SNAP91: variants seen among roughly 807,000 people sequenced by gnomAD.
SNAP91 encodes the protein clathrin coat assembly protein AP180.
A neutral mutation model predicts 100.3 loss-of-function variants in SNAP91; 27 were observed. That is an observed-to-expected ratio of 0.27 (90% CI 0.20 to 0.37). The LOEUF is 0.37. Among genes scored for constraint, SNAP91 ranks in the 10% least tolerant of loss-of-function variants. The pLI, the probability that SNAP91 is intolerant of heterozygous loss-of-function variation, is 1.00. For missense variants in SNAP91, 986 were observed against 1,123.7 expected (o/e 0.88, Z 1.75); for synonymous variants, 404 against 398.6 (o/e 1.01, Z -0.16).
chr6:83,632,639 G>C (rs1287642375), intron 8 of SNAP91, among the ~76,000 whole-genome samples: 1 of 152,112 alleles, frequency 6.6e-6, no homozygotes. Flanking sequence ...TTGTCTTTGA[G>C]CTATGGGTTT....
chr6:83,592,498 C>A lies in SNAP91; in HGVS notation c.1887G>T (p.Ser629=). 2 of 1,611,660 alleles carry A rather than the reference C, an allele frequency of 1.2e-6. No individual in the cohort carries two copies. The highest frequency in any genetic ancestry group is 8.5e-7 in the Non-Finnish European group (1 of 1,178,894). Residue 629 remains serine, a synonymous_variant, in exon 21 of 30, where the codon TCG becomes TCT. Coordinates refer to ENST00000369694, the MANE Select transcript of SNAP91 (RefSeq NM_001242792.2). ...FAAPSPATTA[S]PAKVDSSGVI... ...CACCTGAAGAATCCACCTTTGCTGG[C>A]GAGGCAGTGGTTGCAGGAGATGGTG...
chr6:83,575,152 A>C, intron 25 of SNAP91, 31 bp from the exon 26 acceptor site: 1 of 1,449,660 alleles, frequency 6.9e-7, no homozygotes. Flanking sequence ...CAAGCAAACA[A>C]ACAAAAAATC....
Position 83,664,816 on chromosome 6 carries a change from A to G in SNAP91, c.273+623T>C, listed in dbSNP as rs540102840. 3.3e-5 allele frequency among the ~76,000 whole-genome samples: 5 copies of G among 152,268 alleles called. No homozygotes were observed. In the East Asian group the frequency reaches 9.6e-4, roughly 29 times the overall value. ...ATGCTGTCAAAGAGCATTGAATGCT[A>G]CAGAGAAATCTTTTGTAAAAGGAAG... On this transcript the variant is annotated intron_variant, in intron 3 of 29. Coordinates refer to ENST00000369694, the MANE Select transcript of SNAP91 (RefSeq NM_001242792.2).
intron 26 of SNAP91, among the ~76,000 whole-genome samples, chr6:83,574,260 T>C (rs572760986): frequency 6.6e-5 from 10 of 152,326 alleles, no homozygotes; most frequent in African/African-American, 2.4e-4. Context: ...AGAGTGCATA[T>C]AGAAAAATTA....
intron 22 of SNAP91, among the ~76,000 whole-genome samples, chr6:83,584,475 C>T (rs1426166217): frequency 6.6e-6 from 1 of 151,580 alleles, no homozygotes; most frequent in Non-Finnish European, 1.5e-5. Context: ...GCTAAGATCA[C>T]ATCTATAGGT....
At chr6:83,611,424 C>CAGCA in intron 11 of SNAP91, 1 of 455,422 alleles carries the variant, frequency 2.2e-6, no homozygotes, top group Non-Finnish European at 4.4e-6. Context: ...GAAATAACTG[C>CAGCA]CAGAACAGCT....
chr6:83,561,098 G>A (rs772430532), intron 26 of SNAP91, among the ~76,000 whole-genome samples, 151 bp from the exon 27 acceptor site: 10 of 152,236 alleles, frequency 6.6e-5, no homozygotes, highest in South Asian at 4.1e-4. Context: ...GCTGGAGTAC[G>A]ATGGCATGAT....
chr6:83,698,024 TA>T (rs1050718848), intron 2 of SNAP91, among the ~76,000 whole-genome samples: 2 of 152,070 alleles, frequency 1.3e-5, no homozygotes, highest in Admixed American at 6.5e-5. Flanking sequence ...AAAGAAAGCC[TA>T]AAACTAGAGT....
intron 6 of SNAP91, among the ~76,000 whole-genome samples, chr6:83,657,275 G>A (rs1366867451): frequency 6.6e-6 from 1 of 152,052 alleles, no homozygotes; most frequent in Non-Finnish European, 1.5e-5. Context: ...AACAGCATGG[G>A]GAATACCTTA....
chr6:83,559,792 A>C (rs1784302193), intron 28 of SNAP91, among the ~76,000 whole-genome samples: 2 of 152,224 alleles, frequency 1.3e-5, no homozygotes, highest in Non-Finnish European at 2.9e-5. Flanking sequence ...AACACATACT[A>C]AAACTACAGA....
intron 2 of SNAP91, among the ~76,000 whole-genome samples, chr6:83,667,250 T>C (rs2098703508): frequency 1.3e-5 from 2 of 152,074 alleles, no homozygotes; most frequent in Admixed American, 1.3e-4. Context: ...AATTTAAACT[T>C]AAGAAACTAC....
At chr6:83,680,189 C>A (rs939547890) in intron 2 of SNAP91, among the ~76,000 whole-genome samples, 2 of 152,138 alleles carry the variant, frequency 1.3e-5, no homozygotes, top group African/African-American at 4.8e-5. Context: ...TACTTCCCCC[C>A]CATTCATACC....
intron 7 of SNAP91, among the ~76,000 whole-genome samples, chr6:83,653,125 G>A (rs1479434577): frequency 6.6e-6 from 1 of 152,104 alleles, no homozygotes; most frequent in Non-Finnish European, 1.5e-5. Context: ...GTGGTTTGAT[G>A]TCTGACATTA....
In SNAP91 at chr6:83,707,923, G is replaced by C. The variant is rs778829669; in HGVS notation, c.5C>G (p.Ser2Trp). 2 of 1,581,978 alleles carry C rather than the reference G, an allele frequency of 1.3e-6. No individual in the cohort carries two copies. Among genetic ancestry groups the C allele is most frequent in the South Asian group, 1.2e-5 (1 of 85,262 alleles). MSGQTLTDRIAA... is the reference protein window; with the variant it reads MWGQTLTDRIAA... ...GATCCGATCCGTGAGCGTTTGGCCCGACATCTTCTGTGGTCGCGTCTACCG... is the reference window on the plus strand; with the variant it reads ...GATCCGATCCGTGAGCGTTTGGCCCCACATCTTCTGTGGTCGCGTCTACCG... Residue 2 changes from serine (S) to tryptophan (W), a missense_variant, in exon 2 of 30, where the codon TCG becomes TGG. Physicochemically the swap from Ser to Trp is radical, Grantham distance 177. Transcript: ENST00000369694.
At chr6:83,673,052 A>G (rs1314253843) in intron 2 of SNAP91, among the ~76,000 whole-genome samples, 2 of 152,206 alleles carry the variant, frequency 1.3e-5, no homozygotes, top group Non-Finnish European at 2.9e-5. Flanking sequence ...ACTAAAATGC[A>G]GTTTTAAAAT....
At chr6:83,646,916 T>C (rs2097941799) in intron 7 of SNAP91, among the ~76,000 whole-genome samples, 1 of 152,204 alleles carries the variant, frequency 6.6e-6, no homozygotes, top group Admixed American at 6.5e-5. Context: ...TTGTTAAGTT[T>C]ATACCTAAGT....
In SNAP91 at chr6:83,591,278, A is replaced by G. The variant is rs2273363; in HGVS notation, c.1947T>C (p.Ser649=). 0.23 allele frequency: 372,748 copies of G among 1,607,912 alleles called. 46,000 individuals are homozygous for G. The highest frequency in any genetic ancestry group is 0.29 in the East Asian group (12,928 of 44,794). The change falls in exon 22 of 30, where the codon AGT becomes AGC. Residue 649 remains serine, a synonymous_variant. Transcript: ENST00000369694. ...GAGATGCAGGTTGGGGTTCAGAAGC[A>G]CTACTTCCAAATGCATCTATCCGTT... ...IDLFGDAFGS[S]ASEPQPASQA... is the part of the protein sequence containing the mutation.
At chr6:83,590,180 C>T (rs975039300) in intron 22 of SNAP91, among the ~76,000 whole-genome samples, 3 of 152,080 alleles carry the variant, frequency 2.0e-5, no homozygotes, top group South Asian at 2.1e-4. Flanking sequence ...TGTTGTGCTT[C>T]CTGTTATGTA....
intron 7 of SNAP91, among the ~76,000 whole-genome samples, chr6:83,651,427 T>G (rs1235365076): frequency 6.6e-6 from 1 of 152,186 alleles, no homozygotes; most frequent in Admixed American, 6.5e-5. Flanking sequence ...ATCCTATACA[T>G]TTTGATAAGG....
Sources: gnomAD v4.1 joint callset for allele counts (sites outside exome capture counted in the v4.1 genomes callset) on GRCh38, gnomAD v4.1.1 for gene constraint, MANE v1.5 for transcripts, NCBI Gene and HGNC (gene_info 2026-07-23, HGNC 2026-07-21) for gene names.